The following ZC3H18 variants were observed in gnomAD, a reference collection of about 807,000 sequenced individuals.
ZC3H18 encodes the protein zinc finger CCCH domain-containing protein 18.
ZC3H18 carries 8 observed loss-of-function variants against 106.1 expected under a neutral mutation model. That is an observed-to-expected ratio of 0.08 (90% CI 0.04 to 0.14). The LOEUF is 0.14. Ranked by LOEUF, ZC3H18 falls within the 10% of genes least tolerant of loss-of-function variation. ZC3H18 has a pLI of 1.00. For missense variants in ZC3H18, 1,318 were observed against 1,278.4 expected (o/e 1.03, Z -0.47); for synonymous variants, 635 against 522.1 (o/e 1.22, Z -2.95).
At chr16:88,622,765 G>C in intron 9 of ZC3H18, 1 of 293,622 alleles carries the variant, frequency 3.4e-6, no homozygotes, top group Non-Finnish European at 6.4e-6. Context: ...TACGGTCCTG[G>C]TCTCAGCACA....
At chr16:88,628,623 C>T (rs1279580709) in intron 15 of ZC3H18, 135 bp from the exon 16 acceptor site, 15 of 905,990 alleles carry the variant, frequency 1.7e-5, no homozygotes, top group East Asian at 1.5e-4. Context: ...CTCAGGGCTA[C>T]GGGGTCTCAT....
chr16:88,596,384 G>A (rs1286354006), intron 3 of ZC3H18, among the ~76,000 whole-genome samples: 1 of 152,158 alleles, frequency 6.6e-6, no homozygotes, highest in Admixed American at 6.5e-5. Flanking sequence ...GTTCACGCCT[G>A]TAATCCCAGC....
chr16:88,580,480 G>A (rs1024884685), intron 2 of ZC3H18, among the ~76,000 whole-genome samples: 1 of 152,146 alleles, frequency 6.6e-6, no homozygotes, highest in Non-Finnish European at 1.5e-5. Context: ...TTGTGGGAAG[G>A]ACCCAGCAGA....
At chr16:88,571,566 G>A (rs1914409228) in intron 1 of ZC3H18, 1 of 967,400 alleles carries the variant, frequency 1.0e-6, no homozygotes, top group Admixed American at 6.2e-5. Context: ...GCCAGCCCTG[G>A]AACCAGTCAA....
intron 1 of ZC3H18, among the ~76,000 whole-genome samples, chr16:88,573,027 G>A (rs533270682): frequency 8.5e-5 from 13 of 152,230 alleles, no homozygotes; most frequent in African/African-American, 2.4e-4. Context: ...AAAGTGCTGG[G>A]ATTACAGGCA....
chr16:88,626,448 C>T (rs1244106191), intron 13 of ZC3H18: 2 of 152,158 alleles, frequency 1.3e-5, no homozygotes, highest in Non-Finnish European at 2.9e-5. Flanking sequence ...TCCTTAGATT[C>T]CTTGCATAGA....
chr16:88,620,920 C>T (rs1298611738), intron 8 of ZC3H18, among the ~76,000 whole-genome samples: 3 of 152,238 alleles, frequency 2.0e-5, no homozygotes, highest in African/African-American at 7.2e-5. Context: ...GTTTGGAGTG[C>T]AGTGGCGCAG....
chr16:88,630,626 G>A (rs750760823), intron 17 of ZC3H18, 45 bp downstream of exon 17: 1 of 1,527,758 alleles, frequency 6.5e-7, no homozygotes. Context: ...GAGGGGGCCA[G>A]CCCCAGTCGC....
At position 88,598,132 on chromosome 16, in the gene ZC3H18, A is replaced by G. The variant is rs753723710; in HGVS notation, c.689-46A>G. ...CCACCCCAGCAGCTGCCCTTGTGCA[A>G]TTAGGCTCTTGTGGACCCTTTCTGA... On this transcript the variant is annotated intron_variant, in intron 3 of 17. Coordinates refer to ENST00000301011, the MANE Select transcript of ZC3H18 (RefSeq NM_144604.4). 5.3e-5 allele frequency: 60 copies of G among 1,124,012 alleles called. No homozygotes were observed. In the Admixed American group the frequency reaches 9.8e-4, roughly 18 times the overall value. 69.6% of individuals were successfully genotyped at this position (1,124,012 alleles called of 1,614,324 possible). A position where few individuals can be genotyped will look rare whatever the true frequency, so the allele number is the denominator to read the frequency against.
In ZC3H18 at chr16:88,627,898, A is replaced by C. The variant is rs750427405; in HGVS notation, c.2270-22A>C. On this transcript the variant is annotated intron_variant, in intron 14 of 17. Transcript: ENST00000301011. This position sits in a 1 kb window ranked among gnomAD's most constrained non-coding sequence, Gnocchi z 4.5. ...TGGGAAAATCACCAGTACCCCCATG[A>C]CTGCGGATTTATCATTGGTAGGAAA... 8.0e-5 allele frequency: 129 copies of C among 1,613,624 alleles called. No homozygotes were observed. The highest frequency in any genetic ancestry group is 1.0e-4 in the Non-Finnish European group (123 of 1,180,040).
chr16:88,602,294 T>TA (rs1329672588), intron 6 of ZC3H18, among the ~76,000 whole-genome samples: 8 of 152,222 alleles, frequency 5.3e-5, no homozygotes, highest in African/African-American at 1.9e-4. Context: ...CAGCAGCACT[T>TA]ATGTGTTGCA....
chr16:88,580,946 C>T (rs1915091572), intron 2 of ZC3H18, among the ~76,000 whole-genome samples: 1 of 152,188 alleles, frequency 6.6e-6, no homozygotes, highest in Non-Finnish European at 1.5e-5. Context: ...ATGGATGTTT[C>T]TGAGGCCTCA....
rs757622838 is a variant in ZC3H18, at chr16:88,622,312, G to T, written c.1591G>T (p.Val531Leu). Residue 531 changes from valine to leucine, a missense_variant, in exon 9 of 18, where the codon GTG becomes TTG. Val to Leu is a conservative substitution (Grantham distance 32). Around this residue, in one of 6 missense-constraint regions of ZC3H18, gnomAD observed 848 missense variants for 821.7 expected, o/e 1.03. Transcript: ENST00000301011. ...RSKSPKKKLG[V>L]SVSPSRARRR... is the part of the protein sequence containing the mutation. ...CAAGTCTCCCAAGAAGAAACTCGGGGTGTCGGTCTCCCCGAGCCGGGCTCG... is the reference window on the plus strand; with the variant it reads ...CAAGTCTCCCAAGAAGAAACTCGGGTTGTCGGTCTCCCCGAGCCGGGCTCG... 1.2e-6 allele frequency: 2 copies of T among 1,613,990 alleles called. No homozygotes were observed. The highest frequency in any genetic ancestry group is 4.5e-5 in the East Asian group (2 of 44,876).
intron 3 of ZC3H18, among the ~76,000 whole-genome samples, chr16:88,592,518 G>C (rs1262874308): frequency 6.6e-6 from 1 of 151,936 alleles, no homozygotes. Context: ...CTGTTGCCCA[G>C]GCTGGAGTGC....
At chr16:88,571,878 T>G (rs191992809) in intron 1 of ZC3H18, among the ~76,000 whole-genome samples, 14 of 152,354 alleles carry the variant, frequency 9.2e-5, no homozygotes, top group African/African-American at 3.1e-4. Flanking sequence ...TAACCAGATG[T>G]ACCAGAACTT....
In ZC3H18 at chr16:88,624,009, T is replaced by G. The variant is rs777561256; in HGVS notation, c.1845T>G (p.His615Gln). 5.6e-6 allele frequency: 9 copies of G among 1,613,852 alleles called. No homozygotes were observed. Among genetic ancestry groups the G allele is most frequent in the Non-Finnish European group, 7.6e-6 (9 of 1,179,896 alleles). Residue 615 changes from histidine (H) to glutamine (Q), a missense_variant, in exon 11 of 18, where the codon CAT becomes CAG. By Grantham distance (24) the His-to-Gln change is conservative (BLOSUM62 0). Coordinates refer to ENST00000301011, the MANE Select transcript of ZC3H18 (RefSeq NM_144604.4). ...CCCCGTCCCCAACACCTTCCCCACA[T>G]AGACCTTCCATCAGAACCAAGGGAG... is the stretch of plus-strand genomic sequence containing the variant. ...SPSPSPTPSP[H>Q]RPSIRTKGEP...
intron 3 of ZC3H18, among the ~76,000 whole-genome samples, chr16:88,593,089 A>G (rs1395172376): frequency 6.6e-6 from 1 of 152,236 alleles, no homozygotes; most frequent in African/African-American, 2.4e-5. Flanking sequence ...AAAAATGTGA[A>G]TGTGATCTCT....
In ZC3H18 at chr16:88,586,748, G is replaced by T. The variant is rs911426242; in HGVS notation, c.688+64G>T. Reference sequence around the variant, plus strand: ...GGGCCCCACCTTCTGGGGCTGTGGTGCTGGCTCACCTTGCCAGGCCCTGCT... The same window carrying T: ...GGGCCCCACCTTCTGGGGCTGTGGTTCTGGCTCACCTTGCCAGGCCCTGCT... On this transcript the variant is annotated intron_variant, in intron 3 of 17. Transcript: ENST00000301011. 23 of 1,362,352 alleles carry T rather than the reference G, an allele frequency of 1.7e-5. No homozygotes were observed. The African/African-American group carries it at 3.0e-4, about 18-fold the overall frequency. The allele number at this position is 1,362,352 out of a possible 1,614,324, so 84.4% of individuals were successfully genotyped here.
chr16:88,622,392 A>T lies in ZC3H18; in HGVS notation c.1667+4A>T. The T allele has an allele frequency of 2.5e-6, 4 of 1,602,294 alleles. No homozygotes were observed. The highest frequency in any genetic ancestry group is 3.4e-6 in the Non-Finnish European group (4 of 1,172,924). The stretch of plus-strand genomic sequence containing the variant: ...CCTCTGCCTCTAATTCCTCCAGGTA[A>T]GGAGGGCTCGTGGGACGGCTGGGGT... On this transcript the variant is annotated splice_donor_region_variant and intron_variant, in intron 9 of 17. Coordinates refer to ENST00000301011, the MANE Select transcript of ZC3H18 (RefSeq NM_144604.4).
Sources: gnomAD v4.1 joint callset for allele counts (sites outside exome capture counted in the v4.1 genomes callset) on GRCh38, gnomAD v4.1.1 for gene constraint, gnomAD v4.1.1 regional missense constraint, Gnocchi (gnomAD v3.1) non-coding constraint, MANE v1.5 for transcripts, NCBI Gene and HGNC (gene_info 2026-07-23, HGNC 2026-07-21) for gene names.